Variants in PHIP observed in about 807,000 individuals in gnomAD.
PHIP encodes the protein PHIP subunit of CUL4-Ring ligase complex, also known as PH-interacting protein.
A neutral mutation model predicts 236.8 loss-of-function variants in PHIP; 54 were observed. That is an observed-to-expected ratio of 0.23 (90% CI 0.18 to 0.29). The LOEUF is 0.29. PHIP is among the 10% of genes least tolerant of loss of function. The probability of loss-of-function intolerance (pLI) is 1.00; values close to 1 mark genes in which losing one functional copy is unlikely to be tolerated. For missense variants in PHIP, 1,370 were observed against 2,190.8 expected (o/e 0.63, Z 7.48); for synonymous variants, 756 against 718.9 (o/e 1.05, Z -0.83).
chr6:79,070,010 T>A (rs1249888149), intron 4 of PHIP, among the ~76,000 whole-genome samples: 1 of 152,096 alleles, frequency 6.6e-6, no homozygotes, highest in African/African-American at 2.4e-5. Context: ...AATGCAATAC[T>A]ACGCTTCCAA....
rs112185025 is a variant in PHIP, at chr6:78,991,302, T to A, written c.2202-317A>T. ...GGGTAATTTTTCCAAGAGTGAGAAATTGGATTTTTTTTTTTTTTTTTAGGA... is the reference window on the plus strand; with the variant it reads ...GGGTAATTTTTCCAAGAGTGAGAAAATGGATTTTTTTTTTTTTTTTTAGGA... On this transcript the variant is annotated intron_variant, in intron 19 of 39. Coordinates refer to ENST00000275034, the MANE Select transcript of PHIP (RefSeq NM_017934.7). 5.2e-3 allele frequency among the ~76,000 whole-genome samples: 793 copies of A among 151,814 alleles called. 11 individuals are homozygous for A. The highest frequency in any genetic ancestry group is 0.018 in the African/African-American group (748 of 41,374).
rs949647545 is a variant in PHIP, at chr6:78,946,728, G to A, written c.4353C>T (p.Ser1451=). 8 of 1,576,014 alleles carry A rather than the reference G, an allele frequency of 5.1e-6. No homozygotes were observed. The highest frequency in any genetic ancestry group is 6.0e-6 in the Non-Finnish European group (7 of 1,167,688). The change falls in exon 37 of 40, where the codon TCC becomes TCT. Residue 1451 remains serine (S), a synonymous_variant. Transcript: ENST00000275034. ...TTAAATACCTTGATGCAGCACTACTGGAAACAGAGCTGCTTCTGTTTCTTT... is the reference window on the plus strand; with the variant it reads ...TTAAATACCTTGATGCAGCACTACTAGAAACAGAGCTGCTTCTGTTTCTTT... ...RKKRNRSSSV[S]SSAASSPERK... is the part of the protein sequence containing the mutation.
chr6:78,940,908 C>G lies in PHIP; in HGVS notation c.5251G>C (p.Asp1751His). Reference sequence around the variant, plus strand: ...AGTTCTTCAAACTCTTCTTCCTCATCTATAGGATCATCTATCTTTTTTCGG... The same window carrying G: ...AGTTCTTCAAACTCTTCTTCCTCATGTATAGGATCATCTATCTTTTTTCGG... Reference protein sequence around the residue: ...SNRKKIDDPIDEEEEFEELKG... With the variant: ...SNRKKIDDPIHEEEEFEELKG... Residue 1751 changes from aspartate (D) to histidine (H), a missense_variant, in exon 40 of 40, where the codon GAT becomes CAT. Around this residue, in one of 14 missense-constraint regions of PHIP, gnomAD observed 309 missense variants for 328.3 expected, o/e 0.94. Transcript: ENST00000275034. 1 of 1,613,862 alleles carries G rather than the reference C, an allele frequency of 6.2e-7. No individual in the cohort carries two copies. Among genetic ancestry groups the G allele is most frequent in the Non-Finnish European group, 8.5e-7 (1 of 1,179,820 alleles).
intron 7 of PHIP, among the ~76,000 whole-genome samples, chr6:79,028,315 C>T (rs978155579): frequency 2.6e-5 from 4 of 152,218 alleles, no homozygotes; most frequent in Admixed American, 1.3e-4. Context: ...ATCCTGGCAT[C>T]AGTGTGAATT....
At chr6:78,955,567 T>A (rs752128339) in intron 33 of PHIP, 46 bp downstream of exon 33, 11 of 664,694 alleles carry the variant, frequency 1.7e-5, no homozygotes, top group Non-Finnish European at 2.6e-5. Context: ...TAAATTTTTT[T>A]ATATAGAGAA....
intron 21 of PHIP, among the ~76,000 whole-genome samples, chr6:78,986,448 T>A (rs950607522): frequency 2.6e-5 from 4 of 152,226 alleles, no homozygotes; most frequent in African/African-American, 9.6e-5. Flanking sequence ...GCACTTTGTA[T>A]GTATCACCCC....
At chr6:79,028,604 T>C (rs1179700075) in intron 7 of PHIP, among the ~76,000 whole-genome samples, 2 of 152,180 alleles carry the variant, frequency 1.3e-5, no homozygotes, top group Non-Finnish European at 2.9e-5. Context: ...GGGCATTCAT[T>C]CAAATTAAGT....
chr6:79,077,922 G>GA lies in PHIP; in HGVS notation c.41-10dup. ...GATGAGGAAGTAGAGCTCTGCGCGG[G>GA]AGAGAGGGACGGGGAGACACACAGG... On this transcript the variant is annotated splice_polypyrimidine_tract_variant and intron_variant, in intron 1 of 39. Transcript: ENST00000275034. 2.5e-6 allele frequency: 4 copies of GA among 1,594,810 alleles called. No individual in the cohort carries two copies. Among genetic ancestry groups the GA allele is most frequent in the Non-Finnish European group, 3.4e-6 (4 of 1,171,568 alleles).
At chr6:79,049,878 G>C (rs1472263650) in intron 6 of PHIP, among the ~76,000 whole-genome samples, 1 of 152,124 alleles carries the variant, frequency 6.6e-6, no homozygotes, top group Non-Finnish European at 1.5e-5. Context: ...TAAATGTATT[G>C]TGTGGCATAA....
chr6:78,956,986 A>C (rs1766460989), intron 32 of PHIP: 1 of 152,082 alleles, frequency 6.6e-6, no homozygotes, highest in South Asian at 2.1e-4. Flanking sequence ...AAAGTATAAT[A>C]ATCAAAATTT....
At chr6:79,074,568 G>A (rs1446057724) in intron 4 of PHIP, among the ~76,000 whole-genome samples, 1 of 151,882 alleles carries the variant, frequency 6.6e-6, no homozygotes, top group Non-Finnish European at 1.5e-5. Context: ...CTAATTAAAC[G>A]TATACCATAG....
chr6:78,940,916 T>C lies in PHIP; in HGVS notation c.5243A>G (p.Asp1748Gly), dbSNP rs1773468704. The C allele has an allele frequency of 6.2e-7, 1 of 1,613,576 alleles. No individual in the cohort carries two copies. The highest frequency in any genetic ancestry group is 1.7e-5 in the Admixed American group (1 of 59,986). ...AAACTCTTCTTCCTCATCTATAGGA[T>C]CATCTATCTTTTTTCGGTTACTTCT... The part of the protein sequence containing the change: ...LRRSNRKKID[D>G]PIDEEEEFEE... The change falls in exon 40 of 40, where the codon GAT becomes GGT. Residue 1748 changes from aspartate (D) to glycine (G), a missense_variant. By Grantham distance (94) the Asp-to-Gly change is moderately conservative. Coordinates refer to ENST00000275034, the MANE Select transcript of PHIP (RefSeq NM_017934.7).
In PHIP at chr6:78,940,981, A is replaced by G. The variant is rs1459590152; in HGVS notation, c.5178T>C (p.Asp1726=). The G allele has an allele frequency of 6.2e-7, 1 of 1,614,016 alleles. No individual in the cohort carries two copies. Among genetic ancestry groups the G allele is most frequent in the East Asian group, 2.2e-5 (1 of 44,868 alleles). Reference sequence around the variant, plus strand: ...CACTTGCAGGGACTAGGAGATCTGCATCTAATTTTTGTGTCTTCATCTTCC... The same window carrying G: ...CACTTGCAGGGACTAGGAGATCTGCGTCTAATTTTTGTGTCTTCATCTTCC... ...PKRKMKTQKL[D]ADLLVPASVK... is the part of the protein sequence containing the mutation. Residue 1726 remains aspartate (D), a synonymous_variant, in exon 40 of 40, where the codon GAT becomes GAC. Coordinates refer to ENST00000275034, the MANE Select transcript of PHIP (RefSeq NM_017934.7).
intron 35 of PHIP, among the ~76,000 whole-genome samples, chr6:78,952,616 G>A (rs1308862593): frequency 6.6e-6 from 1 of 151,722 alleles, no homozygotes; most frequent in Admixed American, 6.6e-5. Flanking sequence ...TTATCATTCT[G>A]TGTGGGATTC....
chr6:79,007,654 C>CTT (rs35415106), intron 15 of PHIP, among the ~76,000 whole-genome samples: 39 of 116,646 alleles, frequency 3.3e-4, no homozygotes, highest in Admixed American at 4.3e-4. Flanking sequence ...ATGTCTTGTT[C>CTT]TTTTTTTTTT....
chr6:78,954,046 AATAT>A (rs1766239813), intron 35 of PHIP, among the ~76,000 whole-genome samples: 1 of 152,282 alleles, frequency 6.6e-6, no homozygotes, highest in South Asian at 2.1e-4. Flanking sequence ...GCATAACCTA[AATAT>A]ATACAATAAT....
chr6:78,982,648 G>A (rs1482405357), intron 23 of PHIP, among the ~76,000 whole-genome samples: 2 of 152,060 alleles, frequency 1.3e-5, no homozygotes, highest in African/African-American at 2.4e-5. Context: ...AAGGTTAAAT[G>A]TTCAATGTTT....
At chr6:78,943,549 T>C (rs1050176449) in intron 39 of PHIP, among the ~76,000 whole-genome samples, 1 of 152,128 alleles carries the variant, frequency 6.6e-6, no homozygotes, top group Non-Finnish European at 1.5e-5. Context: ...CAAACACTTA[T>C]TATCTTCTGT....
intron 27 of PHIP, 32 bp downstream of exon 27, chr6:78,969,802 CA>C: frequency 9.5e-7 from 1 of 1,052,682 alleles, no homozygotes; most frequent in Non-Finnish European, 1.4e-6. Flanking sequence ...AAAACCACAT[CA>C]AACATCGATA....
Sources: gnomAD v4.1 joint callset for allele counts (sites outside exome capture counted in the v4.1 genomes callset) on GRCh38, gnomAD v4.1.1 for gene constraint, gnomAD v4.1.1 regional missense constraint, MANE v1.5 for transcripts, NCBI Gene and HGNC (gene_info 2026-07-23, HGNC 2026-07-21) for gene names.